Variants in ZNF215 observed in about 807,000 individuals in gnomAD.
ZNF215 encodes the protein BWSCR2-associated zinc finger protein 2.
Under a neutral mutation model 27.2 loss-of-function variants are expected in ZNF215, and 24 were observed. The ratio of observed to expected loss-of-function variants is 0.88; its 90% CI spans 0.64 to 1.24. ZNF215 has a LOEUF of 1.24. Among genes scored for constraint, ZNF215 ranks in the 50% most tolerant of loss-of-function variants. ZNF215 has a pLI of 0.00. For missense variants in ZNF215, 675 were observed against 605.7 expected, an observed-to-expected ratio of 1.11 and a Z score of -1.20; for synonymous variants, 210 against 204.0, an observed-to-expected ratio of 1.03 and a Z score of -0.25.
At chr11:6,928,249 A>G (rs1450856239) in intron 2 of ZNF215, among the ~76,000 whole-genome samples, 1 of 152,074 alleles carries the variant, frequency 6.6e-6, no homozygotes, top group Non-Finnish European at 1.5e-5. Context: ...ATCTAGTTTT[A>G]TTTATCTATT....
chr11:6,962,383 A>G (rs1850533229), downstream of ZNF215, among the ~76,000 whole-genome samples: 1 of 152,116 alleles, frequency 6.6e-6, no homozygotes, highest in Non-Finnish European at 1.5e-5. Flanking sequence ...AGGCTCCCAG[A>G]GAGGAGAAAA....
chr11:6,962,899 T>C (rs1419155461), downstream of ZNF215, among the ~76,000 whole-genome samples: 1 of 152,118 alleles, frequency 6.6e-6, no homozygotes, highest in African/African-American at 2.4e-5. Context: ...AAATTGGCCT[T>C]GCATCAGCTA....
In ZNF215 at chr11:6,982,432, AC is replaced by A. The variant is rs760181775; in HGVS notation, c.806-1693del. Among the ~76,000 whole-genome samples, 650 of 152,198 alleles carry A rather than the reference AC, an allele frequency of 4.3e-3. 2 individuals are homozygous for A. Among genetic ancestry groups the A allele is most frequent in the Non-Finnish European group, 7.2e-3 (492 of 68,014 alleles). ...CTAATAGACATCTACAGAACTCTCC[AC>A]CCCAAATCAACAGAATGTACATTTT... is the stretch of plus-strand genomic sequence containing the variant. On this transcript the variant is annotated intron_variant, in intron 5 of 5. Coordinates refer to the ZNF215 transcript ENST00000529903.
At chr11:6,964,693 T>A (rs897861474) in intron 5 of ZNF215, among the ~76,000 whole-genome samples, 12 of 151,792 alleles carry the variant, frequency 7.9e-5, no homozygotes, top group East Asian at 7.7e-4. Flanking sequence ...TCTTTTTTTT[T>A]TTTTATTTTT....
At chr11:6,943,274 G>A (rs1174986128) in intron 5 of ZNF215, 59 bp downstream of exon 5, 4 of 1,553,654 alleles carry the variant, frequency 2.6e-6, no homozygotes, top group Middle Eastern at 1.7e-4. Context: ...ACCGTTAAAA[G>A]CTATAGGACT....
At chr11:6,952,127 A>G (rs1391927652) in intron 6 of ZNF215, among the ~76,000 whole-genome samples, 1 of 152,218 alleles carries the variant, frequency 6.6e-6, no homozygotes, top group East Asian at 1.9e-4. Context: ...ATTCTTTTAC[A>G]TTTGCTGAGG....
intron 5 of ZNF215, among the ~76,000 whole-genome samples, chr11:6,977,654 G>C (rs1850859272): frequency 6.6e-6 from 1 of 151,988 alleles, no homozygotes; most frequent in Non-Finnish European, 1.5e-5. Context: ...TGTGAAGACA[G>C]ATGGAGGCCT....
intron 5 of ZNF215, among the ~76,000 whole-genome samples, chr11:6,966,511 G>T (rs931287831): frequency 6.6e-6 from 1 of 151,792 alleles, no homozygotes; most frequent in Admixed American, 6.6e-5. Context: ...AAAAAAAAAT[G>T]TTTATATCAT....
downstream of ZNF215, among the ~76,000 whole-genome samples, chr11:6,962,233 A>T (rs182953944): frequency 2.0e-5 from 3 of 152,288 alleles, no homozygotes; most frequent in African/African-American, 7.2e-5. Context: ...GGAGTCATGT[A>T]AAGAGGGCAC....
At chr11:6,975,515 C>T (rs904990075) in intron 5 of ZNF215, among the ~76,000 whole-genome samples, 1 of 151,920 alleles carries the variant, frequency 6.6e-6, no homozygotes, top group African/African-American at 2.4e-5. Flanking sequence ...AGCCTCCCAG[C>T]CCCTAACTAC....
chr11:6,959,256 A>C (rs979629743), downstream of ZNF215, among the ~76,000 whole-genome samples: 3 of 152,220 alleles, frequency 2.0e-5, no homozygotes, highest in Non-Finnish European at 4.4e-5. Flanking sequence ...GGGCATGGCA[A>C]GTTCAGGAAA....
chr11:6,972,252 C>G (rs561583744), intron 5 of ZNF215, among the ~76,000 whole-genome samples: 1 of 151,920 alleles, frequency 6.6e-6, no homozygotes, highest in African/African-American at 2.4e-5. Flanking sequence ...CACTCTTTGT[C>G]AAAACTACTC....
chr11:6,950,913 A>T (rs1435081611), intron 6 of ZNF215, among the ~76,000 whole-genome samples: 1 of 152,006 alleles, frequency 6.6e-6, no homozygotes, highest in African/African-American at 2.4e-5. Flanking sequence ...TCCCATCAAT[A>T]CCTAATTTAT....
rs2239731 is a variant in ZNF215, at chr11:6,955,757, A to T, written c.780A>T (p.Gly260=). The T allele has an allele frequency of 0.74, 1,184,085 of 1,608,472 alleles. 438,913 individuals are homozygous for T. Among genetic ancestry groups the T allele is most frequent in the South Asian group, 0.81 (71,963 of 89,388 alleles). Residue 260 remains glycine, a synonymous_variant, in exon 7 of 7, where the codon GGA becomes GGT. Transcript: ENST00000278319. The stretch of plus-strand genomic sequence containing the variant: ...TTATGACAAGGCTTACCGAAAGTGG[A>T]CACCCTTCTTCAGATGCCTGGAAAG... The part of the protein sequence containing the change: ...GVIMTRLTES[G]HPSSDAWKGE...
At chr11:6,939,386 G>A (rs1263813725) in intron 3 of ZNF215, among the ~76,000 whole-genome samples, 2 of 152,166 alleles carry the variant, frequency 1.3e-5, no homozygotes, top group Admixed American at 6.5e-5. Context: ...AGGTATTTGT[G>A]TATCTCGCAC....
At chr11:6,946,440 A>C (rs1024148162) in intron 6 of ZNF215, among the ~76,000 whole-genome samples, 8 of 152,182 alleles carry the variant, frequency 5.3e-5, no homozygotes, top group Non-Finnish European at 4.4e-5. Flanking sequence ...AATATATATT[A>C]AGCATCTATA....
intron 4 of ZNF215, among the ~76,000 whole-genome samples, chr11:6,942,882 C>T (rs1849678646): frequency 6.6e-6 from 1 of 152,148 alleles, no homozygotes; most frequent in South Asian, 2.1e-4. Flanking sequence ...GTATCCCTAA[C>T]AGAGTATATA....
rs1849688603 is a variant in ZNF215, at chr11:6,943,174, T to C, written c.575T>C (p.Val192Ala). ...DSAVKNLYRN[V>A]MLENFRNLNS... ...GCTGTAAAGAACCTGTACAGGAATG[T>C]GATGCTGGAAAACTTTAGGAACCTG... Residue 192 changes from valine to alanine, a missense_variant, in exon 5 of 7, where the codon GTG becomes GCG. Val to Ala is a moderately conservative substitution (Grantham distance 64). Coordinates refer to ENST00000278319, the MANE Select transcript of ZNF215 (RefSeq NM_013250.4). The C allele has an allele frequency of 2.5e-6, 4 of 1,613,632 alleles. No individual in the cohort carries two copies. Among genetic ancestry groups the C allele is most frequent in the Non-Finnish European group, 3.4e-6 (4 of 1,179,910 alleles).
At chr11:6,959,351 G>A (rs1317410354), downstream of ZNF215, among the ~76,000 whole-genome samples, 1 of 152,138 alleles carries the variant, frequency 6.6e-6, no homozygotes, top group Non-Finnish European at 1.5e-5. Context: ...GACTCAAGGG[G>A]CACATCATGA....
Sources: allele counts gnomAD v4.1 joint callset (sites outside exome capture counted in the v4.1 genomes callset), GRCh38; gene constraint gnomAD v4.1.1; transcripts MANE v1.5; gene names NCBI Gene and HGNC (gene_info 2026-07-23, HGNC 2026-07-21).